SMCO2: variants seen among roughly 807,000 people sequenced by gnomAD.
SMCO2 encodes the protein single-pass membrane protein with coiled-coil domains 2.
Under a neutral mutation model 29.5 loss-of-function variants are expected in SMCO2, and 25 were observed. That is an observed-to-expected ratio of 0.85 (90% CI 0.62 to 1.18). The LOEUF is 1.18. Ranked by LOEUF, SMCO2 falls within the 50% of genes most tolerant of loss-of-function variation. The pLI, the probability that SMCO2 is intolerant of heterozygous loss-of-function variation, is 0.00. For missense variants in SMCO2, 348 were observed against 344.5 expected (o/e 1.01, Z -0.08); for synonymous variants, 117 against 123.3 (o/e 0.95, Z 0.34).
chr12:27,462,675 C>T (rs575468810), upstream of SMCO2, among the ~76,000 whole-genome samples: 4 of 152,254 alleles, frequency 2.6e-5, no homozygotes, highest in East Asian at 7.7e-4. Context: ...TCTGTACTGG[C>T]ACAGTTTAAA....
At chr12:27,476,583 G>C (rs545246748) in intron 4 of SMCO2, among the ~76,000 whole-genome samples, 6 of 151,974 alleles carry the variant, frequency 3.9e-5, no homozygotes, top group African/African-American at 1.2e-4. Context: ...ATATCCTCTT[G>C]TTAAATTGAT....
chr12:27,431,477 C>T, the SMCO2 span, among the ~76,000 whole-genome samples: 5 of 152,156 alleles, frequency 3.3e-5, no homozygotes, highest in South Asian at 4.1e-4. Context: ...TTCTAAAGAT[C>T]GAATACTTTA....
At chr12:27,474,734 C>T in intron 3 of SMCO2, 52 bp from the exon 4 acceptor site, 1 of 1,547,194 alleles carries the variant, frequency 6.5e-7, no homozygotes, top group Non-Finnish European at 8.7e-7. Flanking sequence ...AGAACCACCA[C>T]ATCTTGTACT....
upstream of SMCO2, among the ~76,000 whole-genome samples, chr12:27,464,968 G>T (rs1381119608): frequency 1.4e-5 from 2 of 145,476 alleles, no homozygotes; most frequent in East Asian, 4.0e-4. Flanking sequence ...GGCAGAGCTT[G>T]CAGTGAGCCG....
At chr12:27,478,612 T>C (rs1293977554) in intron 4 of SMCO2, among the ~76,000 whole-genome samples, 1 of 151,822 alleles carries the variant, frequency 6.6e-6, no homozygotes, top group Admixed American at 6.6e-5. Context: ...ATACCAGTGA[T>C]GGCGGCAGCT....
chr12:27,434,655 CAAG>C, the SMCO2 span, among the ~76,000 whole-genome samples: 1 of 151,798 alleles, frequency 6.6e-6, no homozygotes, highest in Non-Finnish European at 1.5e-5. Flanking sequence ...TTTAAAAAAA[CAAG>C]AAGAAAAAAA....
intron 4 of SMCO2, among the ~76,000 whole-genome samples, chr12:27,479,875 G>T (rs962411624): frequency 6.8e-6 from 1 of 147,374 alleles, no homozygotes; most frequent in Non-Finnish European, 1.5e-5. Context: ...CATAAATTAC[G>T]CAGTCTCACA....
At chr12:27,474,880 C>T in exon 4 of SMCO2, 1 of 1,551,392 alleles carries the variant, frequency 6.4e-7, no homozygotes, top group Non-Finnish European at 8.7e-7. Flanking sequence ...GCGTCTACAT[C>T]TCTGCAGTTT....
At chr12:27,448,905 A>G in the SMCO2 span, among the ~76,000 whole-genome samples, 2 of 152,194 alleles carry the variant, frequency 1.3e-5, no homozygotes, top group African/African-American at 2.4e-5. Context: ...TGAGAGAAGA[A>G]TGGAATTGTC....
the SMCO2 span, among the ~76,000 whole-genome samples, chr12:27,454,604 C>G: frequency 6.6e-6 from 1 of 151,990 alleles, no homozygotes; most frequent in Non-Finnish European, 1.5e-5. Context: ...ACTTTAAGTT[C>G]TGGGATACAT....
intron 4 of SMCO2, among the ~76,000 whole-genome samples, chr12:27,479,557 T>C (rs12099791): frequency 0.022 from 3,425 of 152,282 alleles, 41 homozygotes; most frequent in African/African-American, 0.039. Context: ...GATGACATGG[T>C]GATATGGTTT....
chr12:27,456,026 G>A, the SMCO2 span, among the ~76,000 whole-genome samples: 1 of 152,312 alleles, frequency 6.6e-6, no homozygotes, highest in South Asian at 2.1e-4. Flanking sequence ...GACCAGCCTG[G>A]CCAACATGGC....
At chr12:27,456,518 A>T in the SMCO2 span, among the ~76,000 whole-genome samples, 3 of 152,222 alleles carry the variant, frequency 2.0e-5, no homozygotes, top group Non-Finnish European at 4.4e-5. Flanking sequence ...TCCTGGGCTC[A>T]AGCGATCCTC....
chr12:27,443,151 A>G, the SMCO2 span, among the ~76,000 whole-genome samples: 6 of 152,206 alleles, frequency 3.9e-5, no homozygotes, highest in Non-Finnish European at 7.3e-5. Flanking sequence ...CAATACATTA[A>G]AAAGATCATT....
chr12:27,458,808 A>T, the SMCO2 span, among the ~76,000 whole-genome samples: 1 of 148,982 alleles, frequency 6.7e-6, no homozygotes. Context: ...AATCGCTTGA[A>T]CCCGGGAGGC....
At chr12:27,488,760 C>T (rs1180650256) in intron 5 of SMCO2, among the ~76,000 whole-genome samples, 1 of 152,264 alleles carries the variant, frequency 6.6e-6, no homozygotes, top group East Asian at 1.9e-4. Flanking sequence ...CCTAGAAACT[C>T]GGCTACCACG....
exon 5 of SMCO2, chr12:27,488,469 A>G: frequency 6.5e-7 from 1 of 1,532,396 alleles, no homozygotes; most frequent in Non-Finnish European, 8.8e-7. Flanking sequence ...GCTTATTAAA[A>G]GACATGCTGA....
At chr12:27,429,215 A>G in the SMCO2 span, among the ~76,000 whole-genome samples, 11 of 152,086 alleles carry the variant, frequency 7.2e-5, no homozygotes, top group Non-Finnish European at 1.5e-4. Context: ...TTGTAAAAGA[A>G]CTTTACATTC....
At chr12:27,478,484 G>A (rs1050691486) in intron 4 of SMCO2, among the ~76,000 whole-genome samples, 4 of 152,200 alleles carry the variant, frequency 2.6e-5, no homozygotes, top group African/African-American at 9.7e-5. Flanking sequence ...ACTGACAGTG[G>A]CAATAGTAGC....
Sources: gnomAD v4.1 joint callset for allele counts (sites outside exome capture counted in the v4.1 genomes callset) on GRCh38, gnomAD v4.1.1 for gene constraint, MANE v1.5 for transcripts, NCBI Gene and HGNC (gene_info 2026-07-23, HGNC 2026-07-21) for gene names.